AKAP13: variants seen among roughly 807,000 people sequenced by gnomAD.
AKAP13 encodes the protein A-kinase anchor protein 13.
Under a neutral mutation model 264.5 loss-of-function variants are expected in AKAP13, and 80 were observed. That is an observed-to-expected ratio of 0.30 (90% CI 0.25 to 0.36). The LOEUF (loss-of-function observed/expected upper bound fraction) is 0.36, where lower values mean the gene tolerates loss of function less well. Among genes scored for constraint, AKAP13 ranks in the 10% least tolerant of loss-of-function variants. The probability of loss-of-function intolerance (pLI) is 1.00; values close to 1 mark genes in which losing one functional copy is unlikely to be tolerated. For missense variants in AKAP13, 3,712 were observed against 3,435.2 expected (o/e 1.08, Z -2.01); for synonymous variants, 1,380 against 1,250.2 (o/e 1.10, Z -2.19).
Position 85,710,211 on chromosome 15 carries a change from A to G in AKAP13, c.5533-368A>G, listed in dbSNP as rs185690108. Among the ~76,000 whole-genome samples, 12 of 152,324 alleles carry G rather than the reference A, an allele frequency of 7.9e-5. No homozygotes were observed. The East Asian group carries it at 2.1e-3, about 27-fold the overall frequency. Reference sequence around the variant, plus strand: ...GCTGCCCTTAAGGCACCAGCAATCTACTGGGGAAGACGGACAGTTACTATA... The same window carrying G: ...GCTGCCCTTAAGGCACCAGCAATCTGCTGGGGAAGACGGACAGTTACTATA... On this transcript the variant is annotated intron_variant, in intron 18 of 36. Transcript: ENST00000394518.
At chr15:85,552,560 T>C (rs901080914) in intron 5 of AKAP13, among the ~76,000 whole-genome samples, 3 of 152,128 alleles carry the variant, frequency 2.0e-5, no homozygotes, top group African/African-American at 7.2e-5. Flanking sequence ...GTACCTGATA[T>C]TTTTCCTAAC....
intron 29 of AKAP13, among the ~76,000 whole-genome samples, chr15:85,728,804 T>C (rs1047048625): frequency 6.6e-6 from 1 of 151,716 alleles, no homozygotes; most frequent in Non-Finnish European, 1.5e-5. Flanking sequence ...AAGCTGGAAA[T>C]GCACCAGGTA....
chr15:85,738,545 C>CCACCACTGAAAAATAGCTACCGTTAAA (rs2088709593), intron 33 of AKAP13, among the ~76,000 whole-genome samples: 2 of 151,660 alleles, frequency 1.3e-5, no homozygotes, highest in Non-Finnish European at 2.9e-5. Flanking sequence ...AAACATAATC[C>CCACCACTGAAAAATAGCTACCGTTAAA]CACCACTGAA....
At chr15:85,650,529 G>A (rs2082755639) in intron 10 of AKAP13, among the ~76,000 whole-genome samples, 1 of 151,938 alleles carries the variant, frequency 6.6e-6, no homozygotes, top group South Asian at 2.1e-4. Flanking sequence ...GCCGAGGCAG[G>A]CGGATCACTG....
intron 1 of AKAP13, among the ~76,000 whole-genome samples, chr15:85,410,697 A>G (rs2071919331): frequency 6.6e-6 from 1 of 151,444 alleles, no homozygotes; most frequent in East Asian, 1.9e-4. Context: ...TCTGCTTGGA[A>G]TGCTGTCACC....
chr15:85,743,974 C>T (rs1567227877), intron 36 of AKAP13, 149 bp downstream of exon 36: 6 of 880,820 alleles, frequency 6.8e-6, no homozygotes, highest in Non-Finnish European at 3.4e-6. Context: ...GCTCCGCTTG[C>T]TAAGAGCACT....
chr15:85,497,837 G>A (rs2075914963), intron 2 of AKAP13, among the ~76,000 whole-genome samples: 1 of 152,116 alleles, frequency 6.6e-6, no homozygotes, highest in Admixed American at 6.5e-5. Context: ...AGCAACTGGA[G>A]ATCTTTTGAC....
rs185778152 is a variant in AKAP13 at position 85,691,820 on chromosome 15, A to G, written c.5290-1457A>G. ...TATCAGTTTCTGTTGCCACTCTGACAAGTGAGGGAAGACCACAGGAAAGAA... is the reference window on the plus strand; with the variant it reads ...TATCAGTTTCTGTTGCCACTCTGACGAGTGAGGGAAGACCACAGGAAAGAA... On this transcript the variant is annotated intron_variant, in intron 16 of 36. Coordinates refer to ENST00000394518, the MANE Select transcript of AKAP13 (RefSeq NM_007200.5). The G allele has an allele frequency of 1.2e-4, 60 of 485,670 alleles. No individual in the cohort carries two copies. The East Asian group carries it at 3.5e-3, about 28-fold the overall frequency. The allele number at this position is 485,670 out of a possible 1,614,324, so 30.1% of individuals were successfully genotyped here. A position where few individuals can be genotyped will look rare whatever the true frequency, so the allele number is the denominator to read the frequency against.
At chr15:85,596,555 G>A (rs1345151657) in intron 8 of AKAP13, among the ~76,000 whole-genome samples, 1 of 152,052 alleles carries the variant, frequency 6.6e-6, no homozygotes, top group African/African-American at 2.4e-5. Flanking sequence ...CTGCACCCTA[G>A]TCTGGGCAAC....
In AKAP13 at chr15:85,578,982, A is replaced by G. The variant is rs1002903243; in HGVS notation, c.914A>G (p.Gln305Arg). ...DSLMPLMMTA[Q>R]DPSSAPETDG... The stretch of plus-strand genomic sequence containing the variant: ...CTTATGCCCTTAATGATGACAGCAC[A>G]GGATCCTTCCAGTGCCCCAGAGACA... The change falls in exon 7 of 37, where the codon CAG becomes CGG. Residue 305 changes from glutamine (Q) to arginine (R), a missense_variant. Around this residue, in one of 3 missense-constraint regions of AKAP13, gnomAD observed 2,759 missense variants for 2,411.7 expected, o/e 1.14. Coordinates refer to ENST00000394518, the MANE Select transcript of AKAP13 (RefSeq NM_007200.5). 8.1e-6 allele frequency: 13 copies of G among 1,614,008 alleles called. No homozygotes were observed. The highest frequency in any genetic ancestry group is 1.6e-4 in the Middle Eastern group (1 of 6,084).
Position 85,727,085 on chromosome 15 carries a change from T to C in AKAP13, c.6842T>C (p.Ile2281Thr). 6.2e-7 allele frequency: 1 copy of C among 1,614,170 alleles called. No homozygotes were observed. Among genetic ancestry groups the C allele is most frequent in the Non-Finnish European group, 8.5e-7 (1 of 1,180,020 alleles). ...TTCCAGGACCAGAAGTCAACAGTGA[T>C]CTCTTTAAAGAAGCTGATTGTGAGA... ...FASLDQKSTV[I>T]SLKKLIVREV... The change falls in exon 28 of 37, where the codon ATC becomes ACC. Residue 2281 changes from isoleucine (I) to threonine (T), a missense_variant. Ile to Thr is a moderately conservative substitution (Grantham distance 89, BLOSUM62 -1). This residue lies in a region of AKAP13 where 342 missense variants were observed against 484.3 expected (regional missense o/e 0.71). Transcript: ENST00000394518. This position sits in a 1 kb window ranked among gnomAD's most constrained non-coding sequence, Gnocchi z 5.3.
At chr15:85,666,782 G>A (rs949562344) in intron 13 of AKAP13, among the ~76,000 whole-genome samples, 3 of 152,186 alleles carry the variant, frequency 2.0e-5, no homozygotes, top group African/African-American at 7.2e-5. Context: ...TGAAACTCCT[G>A]TCTTGAAGGT....
At chr15:85,407,425 A>T (rs2071725509) in intron 1 of AKAP13, among the ~76,000 whole-genome samples, 1 of 151,510 alleles carries the variant, frequency 6.6e-6, no homozygotes, top group Admixed American at 6.6e-5. Context: ...TTTTTAGTAG[A>T]GACAGGGTTT....
intron 20 of AKAP13, chr15:85,717,035 C>T: frequency 2.5e-6 from 1 of 402,844 alleles, no homozygotes; most frequent in East Asian, 5.2e-5. Context: ...AGAAAGTTCC[C>T]CTTGCTTCTT....
intron 17 of AKAP13, among the ~76,000 whole-genome samples, chr15:85,696,575 A>T (rs2085577568): frequency 6.6e-6 from 1 of 152,140 alleles, no homozygotes; most frequent in African/African-American, 2.4e-5. Context: ...TCTTTTGGAG[A>T]GCACTGATCT....
intron 1 of AKAP13, among the ~76,000 whole-genome samples, chr15:85,429,100 T>C (rs2072920222): frequency 1.3e-5 from 2 of 152,212 alleles, no homozygotes; most frequent in African/African-American, 4.8e-5. Context: ...TTGTTTGACT[T>C]TTATGACCAC....
intron 19 of AKAP13, 89 bp from the exon 20 acceptor site, chr15:85,715,699 C>T (rs571538189): frequency 4.0e-5 from 40 of 1,002,096 alleles, no homozygotes; most frequent in South Asian, 4.0e-4. Flanking sequence ...CACTGTAAAG[C>T]GCCTTACTTC....
At chr15:85,553,349 A>C (rs939087966) in intron 5 of AKAP13, among the ~76,000 whole-genome samples, 1 of 152,062 alleles carries the variant, frequency 6.6e-6, no homozygotes, top group Non-Finnish European at 1.5e-5. Flanking sequence ...CGGCCTCCCA[A>C]AGTGCTGGGA....
chr15:85,482,533 C>T (rs2075383200), intron 1 of AKAP13, among the ~76,000 whole-genome samples: 1 of 152,058 alleles, frequency 6.6e-6, no homozygotes, highest in East Asian at 1.9e-4. Flanking sequence ...TAGGATGGGG[C>T]TCGAGGTATA....
Sources: gnomAD v4.1 joint callset for allele counts (sites outside exome capture counted in the v4.1 genomes callset) on GRCh38, gnomAD v4.1.1 for gene constraint, gnomAD v4.1.1 regional missense constraint, Gnocchi (gnomAD v3.1) non-coding constraint, MANE v1.5 for transcripts, NCBI Gene and HGNC (gene_info 2026-07-23, HGNC 2026-07-21) for gene names.